LRP1B: variants seen among roughly 807,000 people sequenced by gnomAD.
LRP1B encodes the protein LDL receptor related protein 1B.
A neutral mutation model predicts 556.6 loss-of-function variants in LRP1B; 217 were observed. That is an observed-to-expected ratio of 0.39 (90% CI 0.35 to 0.44). The LOEUF (loss-of-function observed/expected upper bound fraction) is 0.44, where lower values mean the gene tolerates loss of function less well. Among genes scored for constraint, LRP1B ranks in the 20% least tolerant of loss-of-function variants. The pLI, the probability that LRP1B is intolerant of heterozygous loss-of-function variation, is 1.00. For missense variants in LRP1B, 5,053 were observed against 5,620.8 expected (o/e 0.90, Z 3.23); for synonymous variants, 2,047 against 1,865.8 (o/e 1.10, Z -2.50).
rs1335895915 is a variant in LRP1B at position 140,297,931 on chromosome 2, G to A, written c.12844C>T (p.Pro4282Ser). 1 of 1,613,346 alleles carries A rather than the reference G, an allele frequency of 6.2e-7. No homozygotes were observed. The highest frequency in any genetic ancestry group is 2.2e-5 in the East Asian group (1 of 44,858). The change falls in exon 84 of 91, where the codon CCA (proline) becomes TCA (serine). Residue 4282 changes from proline to serine, a missense_variant. Transcript: ENST00000389484. ...TCSCALGFTG[P>S]NCGKTVCEDF... ...TCACAGACTGTCTTACCACAGTTTG[G>A]CCCAGTGAAACCCAGTGCACAGCTG...
At chr2:141,610,341 AAT>A (rs946755288) in intron 2 of LRP1B, among the ~76,000 whole-genome samples, 2 of 150,158 alleles carry the variant, frequency 1.3e-5, no homozygotes, top group Admixed American at 6.6e-5. Flanking sequence ...TAATAATAAT[AAT>A]AAAAAGAAAC....
Position 140,444,264 on chromosome 2 carries a change from A to C in LRP1B, c.10294+66T>G, listed in dbSNP as rs532054329. On this transcript the variant is annotated intron_variant, in intron 65 of 90. Coordinates refer to ENST00000389484, the MANE Select transcript of LRP1B (RefSeq NM_018557.3). Reference sequence around the variant, plus strand: ...ATCATATGAATTTATGAAGTATAGTACTAATTTTTAGACTTATTTTAGGAG... The same window carrying C: ...ATCATATGAATTTATGAAGTATAGTCCTAATTTTTAGACTTATTTTAGGAG... The C allele has an allele frequency of 1.0e-5, 16 of 1,552,386 alleles. No homozygotes were observed. In the Admixed American group the frequency reaches 1.2e-4, roughly 12 times the overall value.
At chr2:141,520,604 C>T (rs1254608941) in intron 2 of LRP1B, among the ~76,000 whole-genome samples, 1 of 152,002 alleles carries the variant, frequency 6.6e-6, no homozygotes, top group Admixed American at 6.6e-5. Flanking sequence ...CTGACTGCCT[C>T]AACTGTGACG....
chr2:140,940,056 G>A (rs770993222), intron 20 of LRP1B, among the ~76,000 whole-genome samples: 2 of 151,556 alleles, frequency 1.3e-5, no homozygotes, highest in Non-Finnish European at 2.9e-5. Flanking sequence ...GCTAATTTTT[G>A]TATTTTTTGG....
rs1244262112 is a variant in LRP1B at position 140,850,154 on chromosome 2, G to C, written c.4887C>G (p.Thr1629=). 6.2e-7 allele frequency: 1 copy of C among 1,613,628 alleles called. No homozygotes were observed. Among genetic ancestry groups the C allele is most frequent in the Admixed American group, 1.7e-5 (1 of 59,996 alleles). The part of the protein sequence containing the change: ...RLYWTDIKTQ[T]IKRAFINGTG... ...TTCCGTTAATAAAAGCTCGTTTAAT[G>C]GTTTGTGTTTTAATATCTGTCCAGT... Residue 1629 remains threonine (T), a synonymous_variant, in exon 29 of 91, where the codon ACC becomes ACG. Transcript: ENST00000389484.
At chr2:140,903,286 A>C in intron 22 of LRP1B, 121 bp from the exon 23 acceptor site, 2 of 1,176,044 alleles carry the variant, frequency 1.7e-6, no homozygotes, top group South Asian at 1.6e-5. Context: ...GAATATAAGA[A>C]AGCCCTCTTT....
intron 7 of LRP1B, among the ~76,000 whole-genome samples, chr2:141,179,305 A>T (rs1164950047): frequency 6.6e-6 from 1 of 151,986 alleles, no homozygotes; most frequent in Non-Finnish European, 1.5e-5. Flanking sequence ...ACATTTGGAA[A>T]ACTAGCTTGA....
intron 2 of LRP1B, among the ~76,000 whole-genome samples, chr2:141,576,815 TC>T (rs1686769244): frequency 6.7e-6 from 1 of 150,026 alleles, no homozygotes; most frequent in East Asian, 2.0e-4. Flanking sequence ...TCAGGTCTTT[TC>T]TTTTTTTTTT....
intron 18 of LRP1B, among the ~76,000 whole-genome samples, chr2:140,981,093 G>C (rs1322317429): frequency 6.6e-6 from 1 of 151,642 alleles, no homozygotes; most frequent in Non-Finnish European, 1.5e-5. Context: ...GGACTTGGTG[G>C]GGGGAAAGCT....
intron 83 of LRP1B, among the ~76,000 whole-genome samples, chr2:140,312,315 G>C (rs1684336546): frequency 6.6e-6 from 1 of 151,986 alleles, no homozygotes; most frequent in African/African-American, 2.4e-5. Context: ...GAAAGTAATT[G>C]GGAATGTTGT....
In LRP1B at chr2:140,535,154, A is replaced by T. The variant is rs1389871473; in HGVS notation, c.7643-1014T>A. Among the ~76,000 whole-genome samples the T allele has an allele frequency of 2.6e-5, 4 of 152,116 alleles. No homozygotes were observed. The East Asian group carries it at 7.7e-4, about 29-fold the overall frequency. ...ACAGAAAGCATATATGATCCACAAA[A>T]CCTAACATATTTACCAGCTGAACCT... On this transcript the variant is annotated intron_variant, in intron 46 of 90. Transcript: ENST00000389484.
chr2:141,708,884 C>G (rs1692249770), intron 2 of LRP1B, among the ~76,000 whole-genome samples: 1 of 152,088 alleles, frequency 6.6e-6, no homozygotes, highest in Non-Finnish European at 1.5e-5. Flanking sequence ...GGAGAGAGGC[C>G]TCAGAAGAAA....
intron 3 of LRP1B, among the ~76,000 whole-genome samples, chr2:141,381,305 G>A (rs1422984907): frequency 4.0e-5 from 6 of 151,534 alleles, no homozygotes; most frequent in Non-Finnish European, 7.4e-5. Context: ...CGATCAAGCA[G>A]GAGAAAGGAT....
intron 3 of LRP1B, among the ~76,000 whole-genome samples, chr2:141,285,941 C>A (rs1365399575): frequency 6.8e-6 from 1 of 147,744 alleles, no homozygotes; most frequent in East Asian, 2.0e-4. Context: ...GTGGCGGGCG[C>A]CTGTAGTCCC....
intron 3 of LRP1B, chr2:141,286,868 T>C (rs1685742328): frequency 6.2e-6 from 2 of 322,968 alleles, no homozygotes; most frequent in Admixed American, 3.1e-5. Context: ...AATGGAAATA[T>C]TCTACATCGG....
chr2:140,903,782 G>A (rs180725928), intron 22 of LRP1B, among the ~76,000 whole-genome samples: 2,552 of 147,944 alleles, frequency 0.017, 33 homozygotes, highest in Non-Finnish European at 0.026. Context: ...ATTCAATGAC[G>A]CCATGGAAAC....
intron 11 of LRP1B, among the ~76,000 whole-genome samples, chr2:141,041,989 G>A (rs537518477): frequency 2.3e-4 from 35 of 152,176 alleles, no homozygotes; most frequent in African/African-American, 8.2e-4. Context: ...TTCTGGGGAT[G>A]AGGACCTAGA....
chr2:142,130,530 C>T (rs1707812720), intron 1 of LRP1B, 118 bp downstream of exon 1: 2 of 843,650 alleles, frequency 2.4e-6, no homozygotes, highest in Admixed American at 5.5e-5. Context: ...CGGTGGTCAC[C>T]CGGTCCCGGG....
At chr2:140,923,813 T>C (rs1287280331) in intron 20 of LRP1B, among the ~76,000 whole-genome samples, 1 of 151,982 alleles carries the variant, frequency 6.6e-6, no homozygotes, top group Non-Finnish European at 1.5e-5. Flanking sequence ...GGTAACATTA[T>C]TGCCCCAAAT....
Sources: gnomAD v4.1 joint callset for allele counts (sites outside exome capture counted in the v4.1 genomes callset) on GRCh38, gnomAD v4.1.1 for gene constraint, MANE v1.5 for transcripts, NCBI Gene and HGNC (gene_info 2026-07-23, HGNC 2026-07-21) for gene names.